The following WDR83 variants were observed in gnomAD, a reference collection of about 807,000 sequenced individuals.
WDR83 encodes the protein WD repeat domain-containing protein 83.
Under a neutral mutation model 37.7 loss-of-function variants are expected in WDR83, and 37 were observed. The observed-to-expected ratio is 0.98, with a 90% CI of 0.76 to 1.29. The LOEUF is 1.29. WDR83 is among the 50% of genes most tolerant of loss of function. The probability of loss-of-function intolerance (pLI) is 0.00; values close to 1 mark genes in which losing one functional copy is unlikely to be tolerated. For missense variants in WDR83, 445 were observed against 414.4 expected (o/e 1.07, Z -0.64); for synonymous variants, 174 against 181.1 (o/e 0.96, Z 0.31).
chr19:12,668,240 C>T (rs2145300733), intron 1 of WDR83: 1 of 1,049,742 alleles, frequency 9.5e-7, no homozygotes, highest in African/African-American at 1.6e-5. Context: ...CAGCTGGGGG[C>T]ACCGAGACGG....
In WDR83 at chr19:12,668,640, G is replaced by A. The variant is rs765959242; in HGVS notation, c.-37+13G>A. 3.2e-5 allele frequency: 52 copies of A among 1,605,086 alleles called. 1 individual carries two copies. The highest frequency in any genetic ancestry group is 6.7e-5 in the Admixed American group (4 of 59,762). On this transcript the variant is annotated intron_variant, in intron 2 of 10. Transcript: ENST00000418543. ...CAGCTAGGGAAAGGTAAGTGGGTGG[G>A]CAGGTTAGTGAAAGGCACAACAATG...
intron 7 of WDR83, 56 bp from the exon 8 acceptor site, chr19:12,672,791 G>C: frequency 6.6e-7 from 1 of 1,524,374 alleles, no homozygotes; most frequent in Non-Finnish European, 8.9e-7. Flanking sequence ...GCACAGGGCT[G>C]CCTGGAGCCA....
intron 1 of WDR83, chr19:12,668,127 C>A: frequency 1.9e-6 from 1 of 533,482 alleles, no homozygotes; most frequent in Non-Finnish European, 3.4e-6. Flanking sequence ...AATGAATACC[C>A]CTAGAAACAT....
chr19:12,670,656 C>T (rs949877651), intron 6 of WDR83, 39 bp from the exon 7 acceptor site: 2 of 1,614,216 alleles, frequency 1.2e-6, no homozygotes, highest in Middle Eastern at 1.6e-4. Flanking sequence ...GCTGCCCTCC[C>T]CCTCCAAACC....
chr19:12,670,989 C>G, intron 7 of WDR83, 168 bp downstream of exon 7: 1 of 959,186 alleles, frequency 1.0e-6, no homozygotes, highest in Admixed American at 2.7e-5. Flanking sequence ...GAGTTCGAGG[C>G]ACCATTGCAC....
chr19:12,669,074 C>T, intron 2 of WDR83: 1 of 1,581,726 alleles, frequency 6.3e-7, no homozygotes, highest in Non-Finnish European at 8.7e-7. Context: ...CAAACCCGCC[C>T]CCGGGCCTCG....
intron 7 of WDR83, among the ~76,000 whole-genome samples, chr19:12,672,018 T>C (rs1296602598): frequency 6.6e-6 from 1 of 152,096 alleles, no homozygotes; most frequent in African/African-American, 2.4e-5. Context: ...TTTCTATTCA[T>C]TAAGTGGAAG....
At position 12,669,610 on chromosome 19, in the gene WDR83, G is replaced by T. The variant is rs1276784044; in HGVS notation, c.-36-145G>T. The T allele has an allele frequency of 3.3e-6, 3 of 915,880 alleles. No individual in the cohort carries two copies. In the African/African-American group the frequency reaches 5.0e-5, roughly 15 times the overall value. 56.7% of individuals were successfully genotyped at this position (915,880 alleles called of 1,614,324 possible). On this transcript the variant is annotated intron_variant, in intron 2 of 10. Coordinates refer to ENST00000418543, the MANE Select transcript of WDR83 (RefSeq NM_001099737.3). ...AAAGGGAAAATGGGGAAAAGAACCT[G>T]AAAGCGGGCTTCAATAGTTCCAACC... is the stretch of plus-strand genomic sequence containing the variant.
intron 2 of WDR83, 41 bp downstream of exon 2, chr19:12,668,668 TC>T: frequency 1.3e-6 from 2 of 1,488,670 alleles, no homozygotes. Context: ...CAACAATGAG[TC>T]CCCGAAGCCA....
chr19:12,674,972 G>C (rs1465039127), intron 10 of WDR83, among the ~76,000 whole-genome samples: 1 of 151,946 alleles, frequency 6.6e-6, no homozygotes, highest in Non-Finnish European at 1.5e-5. Context: ...AAATTAGCTG[G>C]GCATGGTAGC....
In WDR83 at chr19:12,671,708, G is replaced by T. The variant is rs200473558; in HGVS notation, c.506+887G>T. Among the ~76,000 whole-genome samples, 13 of 151,954 alleles carry T rather than the reference G, an allele frequency of 8.6e-5. No individual in the cohort carries two copies. In the East Asian group the frequency reaches 2.3e-3, roughly 27 times the overall value. On this transcript the variant is annotated intron_variant, in intron 7 of 10. Coordinates refer to ENST00000418543, the MANE Select transcript of WDR83 (RefSeq NM_001099737.3). Reference sequence around the variant, plus strand: ...AAAATAATCATAAGGAAGAATTTTTGTTTTTTTTGAGACGCAGTCTCGCTC... The same window carrying T: ...AAAATAATCATAAGGAAGAATTTTTTTTTTTTTTGAGACGCAGTCTCGCTC...
At chr19:12,667,222 C>A (rs975337918) in intron 1 of WDR83, among the ~76,000 whole-genome samples, 13 of 152,100 alleles carry the variant, frequency 8.5e-5, no homozygotes. Flanking sequence ...GAGAAGGATC[C>A]CTGGGTGTTC....
intron 7 of WDR83, among the ~76,000 whole-genome samples, chr19:12,671,922 T>C (rs1229494902): frequency 6.6e-6 from 1 of 152,144 alleles, no homozygotes; most frequent in Non-Finnish European, 1.5e-5. Context: ...GGTCTCCATC[T>C]CTTGACCTCG....
chr19:12,672,484 T>C (rs1169566783), intron 7 of WDR83: 5 of 297,672 alleles, frequency 1.7e-5, no homozygotes, highest in South Asian at 1.6e-4. Flanking sequence ...GGTGCATGCC[T>C]GTATTCCCAT....
intron 2 of WDR83, chr19:12,669,170 G>A (rs754433938): frequency 1.9e-6 from 3 of 1,614,152 alleles, no homozygotes; most frequent in Admixed American, 1.7e-5. Flanking sequence ...TGCCCAGCAG[G>A]TTCATGTAGT....
At chr19:12,674,648 G>C (rs2024516696) in intron 10 of WDR83, among the ~76,000 whole-genome samples, 1 of 152,148 alleles carries the variant, frequency 6.6e-6, no homozygotes, top group Non-Finnish European at 1.5e-5. Flanking sequence ...AGGGGAAGTG[G>C]GGATCATTGG....
intron 1 of WDR83, among the ~76,000 whole-genome samples, chr19:12,667,341 G>A (rs2024281299): frequency 6.6e-6 from 1 of 152,200 alleles, no homozygotes; most frequent in Non-Finnish European, 1.5e-5. Flanking sequence ...CAGGGCAGGC[G>A]CAGTGGCTCA....
chr19:12,673,007 G>A lies in WDR83; in HGVS notation c.575-1G>A, dbSNP rs1456814017. ...ACTCACCTACCCACCCTTCCCCCAA[G>A]GCCCCATCACCTGCACCTGCTTCAG... On this transcript the variant is annotated splice_acceptor_variant, in intron 8 of 10. Coordinates refer to ENST00000418543, the MANE Select transcript of WDR83 (RefSeq NM_001099737.3). LOFTEE classifies it high-confidence loss of function. 2 of 1,609,252 alleles carry A rather than the reference G, an allele frequency of 1.2e-6. No homozygotes were observed. Among genetic ancestry groups the A allele is most frequent in the Admixed American group, 3.3e-5 (2 of 59,854 alleles).
intron 1 of WDR83, chr19:12,668,117 A>G: frequency 2.0e-6 from 1 of 491,250 alleles, no homozygotes; most frequent in Non-Finnish European, 3.7e-6. Context: ...CGAGAAAGCA[A>G]ATGAATACCC....
Sources: allele counts gnomAD v4.1 joint callset (sites outside exome capture counted in the v4.1 genomes callset), GRCh38; gene constraint gnomAD v4.1.1; transcripts MANE v1.5; gene names NCBI Gene and HGNC (gene_info 2026-07-23, HGNC 2026-07-21).